ITGA11: variants seen among roughly 807,000 people sequenced by gnomAD.
ITGA11 encodes integrin alpha-11.
Under a neutral mutation model 141.9 loss-of-function variants are expected in ITGA11, and 97 were observed. That is an observed-to-expected ratio of 0.68 (90% confidence interval 0.58 to 0.81). The LOEUF is 0.81. Among genes scored for constraint, ITGA11 ranks in the 30% least tolerant of loss-of-function variants. The probability of loss-of-function intolerance (pLI) is 0.00; values close to 1 mark genes in which losing one functional copy is unlikely to be tolerated. For missense variants in ITGA11, 1,387 were observed against 1,559.2 expected, an observed-to-expected ratio of 0.89 and a Z score of 1.86; for synonymous variants, 658 against 624.6, an observed-to-expected ratio of 1.05 and a Z score of -0.80.
chr15:68,312,968 G>T, intron 23 of ITGA11, 105 bp from the exon 24 acceptor site: 2 of 749,232 alleles, frequency 2.7e-6, no homozygotes, highest in Non-Finnish European at 4.5e-6. Context: ...CCCGGGCCAC[G>T]AAAAACAGGT....
intron 3 of ITGA11, among the ~76,000 whole-genome samples, chr15:68,365,802 C>T (rs555229877): frequency 7.2e-5 from 11 of 151,970 alleles, no homozygotes; most frequent in East Asian, 5.8e-4. Flanking sequence ...GTGGCACCAT[C>T]GTGGCTCACT....
Position 68,399,291 on chromosome 15 carries a change from G to A in ITGA11, c.164+3627C>T, listed in dbSNP as rs930499883. ...GTGAGCTATCATCTCACACCAGTCA[G>A]AATGGCTATTATTAAAATGCTCCAG... On this transcript the variant is annotated intron_variant, in intron 2 of 29. Coordinates refer to ENST00000315757, the MANE Select transcript of ITGA11 (RefSeq NM_001004439.2). Among the ~76,000 whole-genome samples the A allele has an allele frequency of 1.6e-4, 25 of 152,054 alleles. 1 individual carries two copies.
At chr15:68,351,660 T>C (rs1460371972) in intron 7 of ITGA11, among the ~76,000 whole-genome samples, 3 of 152,104 alleles carry the variant, frequency 2.0e-5, no homozygotes, top group African/African-American at 7.2e-5. Context: ...CTGACCTTGC[T>C]GTTTTGGACA....
At chr15:68,312,651 G>A in intron 24 of ITGA11, 122 bp downstream of exon 24, 1 of 689,846 alleles carries the variant, frequency 1.4e-6, no homozygotes. Context: ...TCGCACAGTG[G>A]GTGGGTGGCA....
chr15:68,351,295 T>C lies in ITGA11; in HGVS notation c.857A>G (p.Gln286Arg), dbSNP rs763013044. The C allele has an allele frequency of 1.2e-5, 20 of 1,613,938 alleles. No homozygotes were observed. The highest frequency in any genetic ancestry group is 1.6e-5 in the Non-Finnish European group (19 of 1,179,908). The stretch of plus-strand genomic sequence containing the variant: ...TCTTGTTACGTTGTCTCTTTCGCTT[T>C]GCTGGATCACCTTCTCCAGGTCTGG... ...DSPDLEKVIQQSERDNVTRYA... is the reference protein window; with the variant it reads ...DSPDLEKVIQRSERDNVTRYA... The change falls in exon 8 of 30, where the codon CAA (glutamine) becomes CGA (arginine). Residue 286 changes from glutamine (Q) to arginine (R), a missense_variant. Transcript: ENST00000315757.
Position 68,357,124 on chromosome 15 carries a change from A to AT in ITGA11, c.749+26dup, listed in dbSNP as rs777017721. 23 of 1,601,356 alleles carry AT rather than the reference A, an allele frequency of 1.4e-5. 1 individual carries two copies. The highest frequency in any genetic ancestry group is 1.0e-4 in the South Asian group (9 of 88,500). On this transcript the variant is annotated intron_variant, in intron 7 of 29. Coordinates refer to ENST00000315757, the MANE Select transcript of ITGA11 (RefSeq NM_001004439.2). ...ACAATAGCATCTGAGATCTAAAAAA[A>AT]TTTTTTTTGTTCTACTTTTTTTTTA...
rs1894035182 is a variant in ITGA11, at chr15:68,328,034, A to T, written c.2068+62T>A. 2 of 1,500,240 alleles carry T rather than the reference A, an allele frequency of 1.3e-6. No individual in the cohort carries two copies. Among genetic ancestry groups the T allele is most frequent in the Non-Finnish European group, 1.8e-6 (2 of 1,112,088 alleles). The allele number at this position is 1,500,240 out of a possible 1,614,324, so 92.9% of individuals were successfully genotyped here. On this transcript the variant is annotated intron_variant, in intron 16 of 29. Coordinates refer to ENST00000315757, the MANE Select transcript of ITGA11 (RefSeq NM_001004439.2). This position sits in a 1 kb window ranked among gnomAD's most constrained non-coding sequence, Gnocchi z 4.8. Reference sequence around the variant, plus strand: ...TTGGGAAAAGCCCAGGCTTTGAAATAGAGCAAGGTGCAGGGGGAGACTGGA... The same window carrying T: ...TTGGGAAAAGCCCAGGCTTTGAAATTGAGCAAGGTGCAGGGGGAGACTGGA...
chr15:68,416,334 C>T (rs1022168599), intron 1 of ITGA11, among the ~76,000 whole-genome samples: 6 of 152,122 alleles, frequency 3.9e-5, no homozygotes, highest in South Asian at 2.1e-4. Flanking sequence ...GAACAAATGT[C>T]GGCTAGGGCA....
At chr15:68,401,819 T>C (rs1479633586) in intron 2 of ITGA11, among the ~76,000 whole-genome samples, 1 of 152,168 alleles carries the variant, frequency 6.6e-6, no homozygotes, top group Non-Finnish European at 1.5e-5. Context: ...AAAATGCCTA[T>C]ACTTTGTTGT....
chr15:68,404,980 C>T (rs207475572), intron 1 of ITGA11, among the ~76,000 whole-genome samples: 1 of 152,178 alleles, frequency 6.6e-6, no homozygotes, highest in African/African-American at 2.4e-5. Context: ...CTGACCTTCC[C>T]AAGGACCCAA....
chr15:68,311,283 T>A lies in ITGA11; in HGVS notation c.3087+7A>T. On this transcript the variant is annotated splice_region_variant and intron_variant, in intron 25 of 29. Coordinates refer to ENST00000315757, the MANE Select transcript of ITGA11 (RefSeq NM_001004439.2). ...CTCCCCTAGCCGGCTCCCAAGGCCA[T>A]CACCACCTCGTCCGTGAGGAAGTCC... 6.5e-7 allele frequency: 1 copy of A among 1,549,662 alleles called. No individual in the cohort carries two copies. The highest frequency in any genetic ancestry group is 8.8e-7 in the Non-Finnish European group (1 of 1,142,084).
At chr15:68,383,811 T>C (rs1251551350) in intron 2 of ITGA11, among the ~76,000 whole-genome samples, 11 of 152,100 alleles carry the variant, frequency 7.2e-5, no homozygotes, top group African/African-American at 2.7e-4. Flanking sequence ...TTAGGAAGGA[T>C]GTTGGCATCG....
chr15:68,320,452 G>A (rs1264230954), intron 19 of ITGA11, 60 bp from the exon 20 acceptor site: 42 of 1,456,874 alleles, frequency 2.9e-5, no homozygotes, highest in Non-Finnish European at 3.9e-5. Flanking sequence ...GGGGTAGAGA[G>A]GAGCCCCAGG....
chr15:68,359,759 C>G (rs552903104), intron 5 of ITGA11, among the ~76,000 whole-genome samples: 1 of 152,032 alleles, frequency 6.6e-6, no homozygotes, highest in Non-Finnish European at 1.5e-5. Flanking sequence ...TAAAAAAACC[C>G]TCCTCTTTTA....
intron 20 of ITGA11, among the ~76,000 whole-genome samples, chr15:68,318,378 G>A (rs1307227895): frequency 3.3e-5 from 5 of 152,202 alleles, no homozygotes; most frequent in African/African-American, 7.2e-5. Flanking sequence ...GGAAGCAGGG[G>A]AAGGCGGATG....
intron 2 of ITGA11, among the ~76,000 whole-genome samples, chr15:68,379,904 T>C (rs1395220077): frequency 2.0e-5 from 3 of 151,488 alleles, no homozygotes; most frequent in African/African-American, 2.4e-5. Flanking sequence ...AGCCATTGCA[T>C]GGTAGGAAGG....
rs1214609472 is a variant in ITGA11, at chr15:68,321,642, T to C, written c.2323-139A>G. The C allele has an allele frequency of 1.3e-5, 6 of 475,494 alleles. No homozygotes were observed. The East Asian group carries it at 2.1e-4, about 17-fold the overall frequency. 29.5% of individuals were successfully genotyped at this position (475,494 alleles called of 1,614,324 possible). On this transcript the variant is annotated intron_variant, in intron 18 of 29. Transcript: ENST00000315757. This position sits in a 1 kb window ranked among gnomAD's most constrained non-coding sequence, Gnocchi z 4.9. ...TGTCCCCAGACACCACACTGCTCTG[T>C]CTTGTGCTTTTCCATAGATGCTTCC...
chr15:68,351,263 C>G lies in ITGA11; in HGVS notation c.889G>C (p.Val297Leu). The change falls in exon 8 of 30, where the codon GTG becomes CTG. Residue 297 changes from valine (V) to leucine (L), a missense_variant. Coordinates refer to ENST00000315757, the MANE Select transcript of ITGA11 (RefSeq NM_001004439.2). ...SERDNVTRYA[V>L]AVLGYYNRRG... ...TTGGGCGGGCCAGGACTTACGGCCA[C>G]CGCATATCTTGTTACGTTGTCTCTT... is the stretch of plus-strand genomic sequence containing the variant. The G allele has an allele frequency of 6.2e-7, 1 of 1,613,968 alleles. No individual in the cohort carries two copies. The highest frequency in any genetic ancestry group is 8.5e-7 in the Non-Finnish European group (1 of 1,179,868).
chr15:68,364,831 C>T (rs572468837), intron 3 of ITGA11, 33 bp from the exon 4 acceptor site: 2 of 1,589,924 alleles, frequency 1.3e-6, no homozygotes, highest in South Asian at 1.1e-5. Context: ...GCTTGCAGCC[C>T]CCTCCTGCCC....
Sources: gnomAD v4.1 joint callset for allele counts (sites outside exome capture counted in the v4.1 genomes callset) on GRCh38, gnomAD v4.1.1 for gene constraint, Gnocchi (gnomAD v3.1) non-coding constraint, MANE v1.5 for transcripts, NCBI Gene and HGNC (gene_info 2026-07-23, HGNC 2026-07-21) for gene names.